The following PTPRN2 variants were observed in gnomAD, a reference collection of about 807,000 sequenced individuals.
PTPRN2 encodes the protein protein tyrosine phosphatase receptor type N2, also known as receptor-type tyrosine-protein phosphatase N2.
PTPRN2 carries 74 observed loss-of-function variants against 118.8 expected under a neutral mutation model. The ratio of observed to expected loss-of-function variants is 0.62; its 90% CI spans 0.52 to 0.76. The LOEUF is 0.76. PTPRN2 is among the 30% of genes least tolerant of loss of function. The pLI is 0.00. For missense variants in PTPRN2, 1,481 were observed against 1,394.4 expected (o/e 1.06, Z -0.99); for synonymous variants, 641 against 608.0 (o/e 1.05, Z -0.80).
intron 2 of PTPRN2, among the ~76,000 whole-genome samples, chr7:158,442,661 T>G (rs80108804): frequency 0.018 from 2,727 of 152,306 alleles, 84 homozygotes; most frequent in African/African-American, 0.062. Context: ...TTTGGGGCTT[T>G]AGGATCGTAA....
intron 21 of PTPRN2, among the ~76,000 whole-genome samples, chr7:157,566,720 A>G (rs567912917): frequency 2.8e-4 from 43 of 152,390 alleles, no homozygotes; most frequent in African/African-American, 9.1e-4. Flanking sequence ...AGTGAACAGC[A>G]GCTCAGGTGC....
At chr7:158,382,298 C>A (rs1270251952) in intron 2 of PTPRN2, among the ~76,000 whole-genome samples, 1 of 152,190 alleles carries the variant, frequency 6.6e-6, no homozygotes, top group Non-Finnish European at 1.5e-5. Context: ...CCACCCTGGG[C>A]TGAAGACCCC....
In PTPRN2 at chr7:158,352,340, C is replaced by A. The variant is rs62493655; in HGVS notation, c.164-35408G>T. Among the ~76,000 whole-genome samples, 45 of 4,804 alleles carry A rather than the reference C, an allele frequency of 9.4e-3. 1 individual carries two copies. Among genetic ancestry groups the A allele is most frequent in the Middle Eastern group, 0.25 (1 of 4 alleles). The allele number at this position is 4,804 out of a possible 152,430, so 3.2% of individuals were successfully genotyped here. ...CCTGCCAGCTACCCTCCTGACCGCTCCCCTCCTGTCCGCTCCCCTCCTGAC... is the reference window on the plus strand; with the variant it reads ...CCTGCCAGCTACCCTCCTGACCGCTACCCTCCTGTCCGCTCCCCTCCTGAC... On this transcript the variant is annotated intron_variant, in intron 2 of 22. Transcript: ENST00000389418.
chr7:157,628,691 G>A (rs1333333816), intron 14 of PTPRN2, among the ~76,000 whole-genome samples: 1 of 152,218 alleles, frequency 6.6e-6, no homozygotes, highest in African/African-American at 2.4e-5. Context: ...GAGGGGTGAT[G>A]CGTGAATATG....
chr7:158,154,165 A>T (rs1216255878), intron 6 of PTPRN2, among the ~76,000 whole-genome samples: 1 of 152,142 alleles, frequency 6.6e-6, no homozygotes, highest in Non-Finnish European at 1.5e-5. Flanking sequence ...ACCCTAAAAG[A>T]TTCACTGCCT....
chr7:158,261,205 G>A (rs1797375220), intron 3 of PTPRN2, among the ~76,000 whole-genome samples: 1 of 152,158 alleles, frequency 6.6e-6, no homozygotes, highest in Non-Finnish European at 1.5e-5. Context: ...AGCTCAGAGA[G>A]CAGGTGGCAG....
Position 158,071,331 on chromosome 7 carries a change from A to ATGGTGGTGGAGGTGCTCG in PTPRN2, c.1723+9949_1723+9966dup, listed in dbSNP as rs1313023196. ...GGTGCCCATGGTAGTGGAGGTGCCC[A>ATGGTGGTGGAGGTGCTCG]TGGTGGTGGAGGTGCTCGTGGTGGT... On this transcript the variant is annotated intron_variant, in intron 11 of 22. Transcript: ENST00000389418. Among the ~76,000 whole-genome samples the ATGGTGGTGGAGGTGCTCG allele has an allele frequency of 2.1e-4, 11 of 51,574 alleles. No individual in the cohort carries two copies. In the East Asian group the frequency reaches 6.3e-3, roughly 29 times the overall value. 33.8% of individuals were successfully genotyped at this position (51,574 alleles called of 152,430 possible).
In PTPRN2 at chr7:158,329,277, C is replaced by A. The variant is rs377546558; in HGVS notation, c.164-12345G>T. ...GAGGGGAGGACAGTGAAGACAGTGC[C>A]GAGAACACAGCCAGTCATGCCTCCC... On this transcript the variant is annotated intron_variant, in intron 2 of 22. Coordinates refer to ENST00000389418, the MANE Select transcript of PTPRN2 (RefSeq NM_002847.5). 2.0e-5 allele frequency among the ~76,000 whole-genome samples: 3 copies of A among 152,262 alleles called. No homozygotes were observed. In the South Asian group the frequency reaches 6.2e-4, roughly 32 times the overall value.
intron 2 of PTPRN2, among the ~76,000 whole-genome samples, chr7:158,481,493 C>G (rs1820635580): frequency 1.3e-5 from 2 of 152,344 alleles, no homozygotes; most frequent in Non-Finnish European, 2.9e-5. Context: ...GAGGTAGAGT[C>G]TTGCTCTGTC....
chr7:157,594,916 T>C (rs1269738233), intron 17 of PTPRN2, among the ~76,000 whole-genome samples: 1 of 152,206 alleles, frequency 6.6e-6, no homozygotes, highest in Non-Finnish European at 1.5e-5. Context: ...AACAACGCCA[T>C]GGACAACAGG....
chr7:158,408,988 C>A (rs1472487468), intron 2 of PTPRN2, among the ~76,000 whole-genome samples: 2 of 133,068 alleles, frequency 1.5e-5, no homozygotes, highest in Non-Finnish European at 3.2e-5. Flanking sequence ...TGACTTTGCT[C>A]TCCTTAATTA....
At chr7:157,822,614 T>C (rs1211577551) in intron 12 of PTPRN2, among the ~76,000 whole-genome samples, 1 of 151,778 alleles carries the variant, frequency 6.6e-6, no homozygotes, top group African/African-American at 2.4e-5. Context: ...CCACTATCCA[T>C]CATCCATCTA....
intron 12 of PTPRN2, among the ~76,000 whole-genome samples, chr7:157,736,470 G>C (rs1029093127): frequency 6.6e-6 from 1 of 152,184 alleles, no homozygotes; most frequent in Non-Finnish European, 1.5e-5. Flanking sequence ...CCTGCACCAG[G>C]GAAAGGCCGT....
At chr7:157,593,363 A>G (rs1400729054) in intron 17 of PTPRN2, among the ~76,000 whole-genome samples, 1 of 152,226 alleles carries the variant, frequency 6.6e-6, no homozygotes, top group Non-Finnish European at 1.5e-5. Context: ...GATGCCCTCC[A>G]GACCCTGTGG....
At chr7:158,483,669 G>A (rs1021669224) in intron 2 of PTPRN2, among the ~76,000 whole-genome samples, 2 of 152,202 alleles carry the variant, frequency 1.3e-5, no homozygotes, top group African/African-American at 4.8e-5. Flanking sequence ...CTGGGAGGGA[G>A]CCCATCTGTC....
intron 12 of PTPRN2, among the ~76,000 whole-genome samples, chr7:157,703,752 T>C (rs1182993424): frequency 6.6e-6 from 1 of 152,094 alleles, no homozygotes; most frequent in African/African-American, 2.4e-5. Flanking sequence ...CGGCCGCTTG[T>C]CCTCTGCCGC....
chr7:158,199,512 G>C lies in PTPRN2; in HGVS notation c.380+5659C>G, dbSNP rs77314859. 5.7e-3 allele frequency among the ~76,000 whole-genome samples: 868 copies of C among 152,258 alleles called. 10 individuals carry two copies. The highest frequency in any genetic ancestry group is 0.02 in the African/African-American group (829 of 41,540). ...ATTCTGAAGACTTCATTCTAATGTC[G>C]CCTTTATTTCATGAATGGATGATTG... On this transcript the variant is annotated intron_variant, in intron 4 of 22. Transcript: ENST00000389418.
chr7:158,295,976 C>A (rs912609087), intron 3 of PTPRN2, among the ~76,000 whole-genome samples: 1 of 152,232 alleles, frequency 6.6e-6, no homozygotes, highest in Non-Finnish European at 1.5e-5. Flanking sequence ...GTTAAATAAA[C>A]AGAAAGATGA....
chr7:158,457,595 G>A (rs1417645423), intron 2 of PTPRN2, among the ~76,000 whole-genome samples: 1 of 93,294 alleles, frequency 1.1e-5, no homozygotes, highest in African/African-American at 4.1e-5. Flanking sequence ...GTGCTACCTC[G>A]GCCTGCGGGA....
Sources: gnomAD v4.1 joint callset for allele counts (sites outside exome capture counted in the v4.1 genomes callset) on GRCh38, gnomAD v4.1.1 for gene constraint, MANE v1.5 for transcripts, NCBI Gene and HGNC (gene_info 2026-07-23, HGNC 2026-07-21) for gene names.